The following ZNF420 variants were observed in gnomAD, a reference collection of about 807,000 sequenced individuals.
ZNF420 encodes the protein zinc finger protein 420.
ZNF420 carries 31 observed loss-of-function variants against 44.7 expected under a neutral mutation model. That is an observed-to-expected ratio of 0.69 (90% CI 0.52 to 0.94). The LOEUF (loss-of-function observed/expected upper bound fraction) is 0.94. Among genes scored for constraint, ZNF420 ranks in the 40% least tolerant of loss-of-function variants. The probability of loss-of-function intolerance (pLI) is 0.00; values close to 1 mark genes in which losing one functional copy is unlikely to be tolerated. For missense variants in ZNF420, 681 were observed against 827.9 expected, an observed-to-expected ratio of 0.82 and a Z score of 2.18; for synonymous variants, 245 against 267.4, an observed-to-expected ratio of 0.92 and a Z score of 0.82.
chr19:37,020,666 T>TA (rs1343435712), intron 1 of ZNF420, among the ~76,000 whole-genome samples: 2 of 152,236 alleles, frequency 1.3e-5, no homozygotes, highest in African/African-American at 2.4e-5. Flanking sequence ...AGTCAATAGA[T>TA]ACATAAGTAA....
At chr19:37,118,731 C>G (rs367730129) in intron 4 of ZNF420, among the ~76,000 whole-genome samples, 1 of 151,214 alleles carries the variant, frequency 6.6e-6, no homozygotes, top group African/African-American at 2.4e-5. Context: ...ACCCATCTCA[C>G]GTGCAGAGAC....
intron 1 of ZNF420, among the ~76,000 whole-genome samples, chr19:37,016,610 C>T (rs941693355): frequency 5.9e-5 from 9 of 151,872 alleles, no homozygotes; most frequent in Non-Finnish European, 1.3e-4. Context: ...TATCTGTCCC[C>T]ATGGATTGCC....
chr19:37,012,135 A>G (rs957204979), intron 1 of ZNF420, among the ~76,000 whole-genome samples: 8 of 152,078 alleles, frequency 5.3e-5, no homozygotes, highest in African/African-American at 1.7e-4. Context: ...CTCCACCGGT[A>G]GAAGTCGGCA....
In ZNF420 at chr19:37,127,490, T is replaced by C. The variant is rs2145353506; in HGVS notation, c.499T>C (p.Tyr167His). The change falls in exon 5 of 5, where the codon TAT becomes CAT. Residue 167 changes from tyrosine (Y) to histidine (H), a missense_variant. Tyr to His is a moderately conservative substitution (Grantham distance 83). Coordinates refer to ENST00000337995, the MANE Select transcript of ZNF420 (RefSeq NM_144689.5). Reference sequence around the variant, plus strand: ...AAGTATTCATACTGGTGAAAAACCCTATGAATGTAAGCAATGCGGGAAGGC... The same window carrying C: ...AAGTATTCATACTGGTGAAAAACCCCATGAATGTAAGCAATGCGGGAAGGC... ...HQSIHTGEKP[Y>H]ECKQCGKAFS... 1 of 1,614,056 alleles carries C rather than the reference T, an allele frequency of 6.2e-7. No individual in the cohort carries two copies. The highest frequency in any genetic ancestry group is 8.5e-7 in the Non-Finnish European group (1 of 1,179,958).
intron 4 of ZNF420, among the ~76,000 whole-genome samples, chr19:37,094,906 G>A (rs541174847): frequency 3.2e-4 from 49 of 152,256 alleles, no homozygotes; most frequent in African/African-American, 1.1e-3. Flanking sequence ...GCTGAGGCGG[G>A]CAGATCACGA....
chr19:37,077,203 G>A (rs1358127117), upstream of ZNF420, among the ~76,000 whole-genome samples: 2 of 152,192 alleles, frequency 1.3e-5, no homozygotes, highest in Non-Finnish European at 2.9e-5. Flanking sequence ...ACAGCCTTAA[G>A]TTACTTTCTG....
chr19:37,048,850 A>G (rs1320638424), intron 1 of ZNF420, among the ~76,000 whole-genome samples: 1 of 148,608 alleles, frequency 6.7e-6, no homozygotes, highest in Non-Finnish European at 1.5e-5. Context: ...TATATCTCCT[A>G]ATGCTATCCC....
At chr19:37,014,549 C>A (rs2074595644) in intron 1 of ZNF420, among the ~76,000 whole-genome samples, 1 of 152,188 alleles carries the variant, frequency 6.6e-6, no homozygotes, top group Non-Finnish European at 1.5e-5. Flanking sequence ...CTCTTAGGGT[C>A]CTGCGCTGCT....
At chr19:37,029,707 G>A (rs1261674272) in intron 1 of ZNF420, among the ~76,000 whole-genome samples, 1 of 152,024 alleles carries the variant, frequency 6.6e-6, no homozygotes, top group African/African-American at 2.4e-5. Flanking sequence ...ATCTTTAGTA[G>A]AGACGGGGTT....
At chr19:37,094,984 C>T (rs530059761) in intron 4 of ZNF420, among the ~76,000 whole-genome samples, 7 of 151,856 alleles carry the variant, frequency 4.6e-5, no homozygotes, top group South Asian at 4.2e-4. Context: ...TACAAAAATT[C>T]GGTAGGTGTG....
At chr19:37,089,281 C>T (rs986268712) in intron 3 of ZNF420, among the ~76,000 whole-genome samples, 154 bp downstream of exon 3, 3 of 152,128 alleles carry the variant, frequency 2.0e-5, no homozygotes, top group African/African-American at 7.2e-5. Context: ...AGTGTCTTCC[C>T]TAAGTGTGTC....
In ZNF420 at chr19:37,128,402, G is replaced by C. The variant is rs778442152; in HGVS notation, c.1411G>C (p.Gly471Arg). The C allele has an allele frequency of 5.0e-6, 8 of 1,614,012 alleles. No individual in the cohort carries two copies. The South Asian group carries it at 8.8e-5, about 18-fold the overall frequency. ...TACTCAACATGAGCGAATTCACACA[G>C]GTGAGAAACCCTATGAATGTAAGGA... ...ELTQHERIHT[G>R]EKPYECKECG... The change falls in exon 5 of 5, where the codon GGT becomes CGT. Residue 471 changes from glycine (G) to arginine (R), a missense_variant. Physicochemically the swap from Gly to Arg is moderately radical, Grantham distance 125. Coordinates refer to ENST00000337995, the MANE Select transcript of ZNF420 (RefSeq NM_144689.5).
intron 1 of ZNF420, among the ~76,000 whole-genome samples, chr19:37,039,743 C>G (rs993447138): frequency 6.6e-6 from 1 of 151,280 alleles, no homozygotes. Context: ...CTCTGTTGCC[C>G]AGACTGGATT....
At chr19:37,074,504 A>G (rs1968113691), upstream of ZNF420, among the ~76,000 whole-genome samples, 1 of 152,232 alleles carries the variant, frequency 6.6e-6, no homozygotes, top group Non-Finnish European at 1.5e-5. Flanking sequence ...AGATTAAAGA[A>G]ATTAAAAAGA....
chr19:37,036,578 G>A (rs1217491526), intron 1 of ZNF420, among the ~76,000 whole-genome samples: 1 of 152,078 alleles, frequency 6.6e-6, no homozygotes, highest in Non-Finnish European at 1.5e-5. Context: ...CGTATCCTTT[G>A]GTTCATAGAT....
At chr19:37,041,155 C>G (rs984482059) in intron 1 of ZNF420, among the ~76,000 whole-genome samples, 1 of 151,992 alleles carries the variant, frequency 6.6e-6, no homozygotes, top group African/African-American at 2.4e-5. Flanking sequence ...GAAACCCCAT[C>G]TCTACTAAAA....
At chr19:37,115,931 G>A (rs140423885) in intron 4 of ZNF420, among the ~76,000 whole-genome samples, 2,977 of 152,154 alleles carry the variant, frequency 0.02, 77 homozygotes, top group East Asian at 0.05. Context: ...TAACAAGCAC[G>A]CTGCCTTCAA....
chr19:37,089,080 C>G lies in ZNF420; in HGVS notation c.-39C>G. On this transcript the variant is annotated 5_prime_UTR_variant, in exon 3 of 5. Transcript: ENST00000337995. ...CTCTGTGCTTTCCTAAGATAGGAAC[C>G]CAGAAGAGGACTGATCATTTCTTGC... 4 of 1,606,898 alleles carry G rather than the reference C, an allele frequency of 2.5e-6. No homozygotes were observed. Among genetic ancestry groups the G allele is most frequent in the Non-Finnish European group, 3.4e-6 (4 of 1,173,450 alleles).
At chr19:37,081,713 T>TTC (rs1290430076) in intron 2 of ZNF420, among the ~76,000 whole-genome samples, 1 of 147,080 alleles carries the variant, frequency 6.8e-6, no homozygotes, top group Non-Finnish European at 1.5e-5. Context: ...TTTTTTTTTT[T>TTC]TTTTTTTTTT....
Sources: allele counts gnomAD v4.1 joint callset (sites outside exome capture counted in the v4.1 genomes callset), GRCh38; gene constraint gnomAD v4.1.1; transcripts MANE v1.5; gene names NCBI Gene and HGNC (gene_info 2026-07-23, HGNC 2026-07-21).